The following LRFN5 variants were observed in gnomAD, a reference collection of about 807,000 sequenced individuals.
The protein encoded by LRFN5 is leucine rich repeat and fibronectin type III domain containing 5.
A neutral mutation model predicts 45.6 loss-of-function variants in LRFN5; 24 were observed. The ratio of observed to expected loss-of-function variants is 0.53; its 90% CI spans 0.38 to 0.74. LRFN5 has a LOEUF of 0.74. Among genes scored for constraint, LRFN5 ranks in the 30% least tolerant of loss-of-function variants. LRFN5 has a pLI of 0.00. For missense variants in LRFN5, 776 were observed against 861.5 expected, an observed-to-expected ratio of 0.90 and a Z score of 1.24; for synonymous variants, 340 against 313.8, an observed-to-expected ratio of 1.08 and a Z score of -0.88.
rs1486811692 is a variant in LRFN5, at chr14:41,840,128, A to G, written c.-20-46478A>G. Reference sequence around the variant, plus strand: ...AAGAAGATCATTCTTGTTAGACAGAATTATCCAGTCACTTAATAAATAATC... The same window carrying G: ...AAGAAGATCATTCTTGTTAGACAGAGTTATCCAGTCACTTAATAAATAATC... On this transcript the variant is annotated intron_variant, in intron 2 of 5. Transcript: ENST00000298119. Among the ~76,000 whole-genome samples the G allele has an allele frequency of 2.0e-5, 3 of 152,100 alleles. No homozygotes were observed. The East Asian group carries it at 5.8e-4, about 29-fold the overall frequency.
intron 2 of LRFN5, among the ~76,000 whole-genome samples, chr14:41,813,147 T>G (rs1404671738): frequency 6.6e-6 from 1 of 152,180 alleles, no homozygotes; most frequent in Non-Finnish European, 1.5e-5. Flanking sequence ...CACTCAAATC[T>G]GTTTTCAACT....
chr14:41,838,036 G>C (rs1039712105), intron 2 of LRFN5, among the ~76,000 whole-genome samples: 1 of 152,150 alleles, frequency 6.6e-6, no homozygotes, highest in African/African-American at 2.4e-5. Context: ...CCTGATTTGT[G>C]TGGTTTTTAC....
intron 2 of LRFN5, among the ~76,000 whole-genome samples, chr14:41,865,047 G>C (rs1216128297): frequency 6.6e-6 from 1 of 151,964 alleles, no homozygotes; most frequent in East Asian, 1.9e-4. Flanking sequence ...AAAAAAATTT[G>C]TGTATCATTA....
chr14:41,893,601 A>C, intron 4 of LRFN5: 1 of 985,340 alleles, frequency 1.0e-6, no homozygotes, highest in South Asian at 4.7e-5. Context: ...GGAATGTGGA[A>C]TCGTTAATTT....
chr14:41,689,290 A>G lies in LRFN5; in HGVS notation c.-196-77564A>G, dbSNP rs112934622. ...AAATGAAATAGAAAACAGAAAAACG[A>G]TAGACAAACACAACAAAACCAAAAT... On this transcript the variant is annotated intron_variant, in intron 1 of 5. Transcript: ENST00000298119. Among the ~76,000 whole-genome samples the G allele has an allele frequency of 9.2e-3, 1,397 of 152,266 alleles. 27 individuals are homozygous for G. Among genetic ancestry groups the G allele is most frequent in the African/African-American group, 0.032 (1,341 of 41,574 alleles).
intron 1 of LRFN5, among the ~76,000 whole-genome samples, chr14:41,670,674 G>A (rs1462457828): frequency 6.6e-6 from 1 of 151,572 alleles, no homozygotes; most frequent in African/African-American, 2.4e-5. Flanking sequence ...TTATAAAATC[G>A]TAATTCCTCA....
At chr14:41,798,081 T>C (rs1400452857) in intron 2 of LRFN5, among the ~76,000 whole-genome samples, 1 of 151,956 alleles carries the variant, frequency 6.6e-6, no homozygotes, top group Non-Finnish European at 1.5e-5. Context: ...TATTGCTCTC[T>C]AGACATGCTC....
chr14:41,611,178 T>C (rs2138537254), intron 1 of LRFN5, among the ~76,000 whole-genome samples: 1 of 152,262 alleles, frequency 6.6e-6, no homozygotes. Context: ...AACCTGAACA[T>C]AGATGATGGT....
chr14:41,732,313 C>T (rs1884215016), intron 1 of LRFN5, among the ~76,000 whole-genome samples: 1 of 152,102 alleles, frequency 6.6e-6, no homozygotes, highest in African/African-American at 2.4e-5. Context: ...TTTCACCAAC[C>T]CCTATTGTTG....
chr14:41,786,007 T>C (rs998808407), intron 2 of LRFN5, among the ~76,000 whole-genome samples: 5 of 150,388 alleles, frequency 3.3e-5, no homozygotes, highest in Non-Finnish European at 7.5e-5. Context: ...ACTGGCATTG[T>C]TCCCTGCCCT....
chr14:41,870,981 C>T (rs945610090), intron 2 of LRFN5, among the ~76,000 whole-genome samples: 1 of 151,806 alleles, frequency 6.6e-6, no homozygotes, highest in African/African-American at 2.4e-5. Context: ...ACTAGATTAT[C>T]AGTACATATT....
chr14:41,702,353 A>G (rs961339918), intron 1 of LRFN5, among the ~76,000 whole-genome samples: 12 of 152,190 alleles, frequency 7.9e-5, no homozygotes, highest in Non-Finnish European at 1.2e-4. Context: ...AATTAAATCA[A>G]TAGGAAGCCA....
At chr14:41,825,181 A>G (rs760795334) in intron 2 of LRFN5, among the ~76,000 whole-genome samples, 9 of 152,120 alleles carry the variant, frequency 5.9e-5, no homozygotes, top group African/African-American at 1.7e-4. Context: ...CCCTGGCCCA[A>G]TGGGCACACT....
intron 1 of LRFN5, among the ~76,000 whole-genome samples, chr14:41,716,056 C>A (rs1883480805): frequency 6.6e-6 from 1 of 152,178 alleles, no homozygotes; most frequent in South Asian, 2.1e-4. Flanking sequence ...AGGCTTGCAC[C>A]CTATGAAGCC....
intron 1 of LRFN5, among the ~76,000 whole-genome samples, chr14:41,625,561 T>C (rs1888300700): frequency 6.6e-6 from 1 of 152,132 alleles, no homozygotes; most frequent in Non-Finnish European, 1.5e-5. Flanking sequence ...TTAGAAGTAA[T>C]AGTATACAGG....
chr14:41,887,770 A>T lies in LRFN5; in HGVS notation c.1145A>T (p.Asn382Ile). 6.2e-7 allele frequency: 1 copy of T among 1,614,014 alleles called. No individual in the cohort carries two copies. The highest frequency in any genetic ancestry group is 8.5e-7 in the Non-Finnish European group (1 of 1,180,022). Residue 382 changes from asparagine to isoleucine, a missense_variant, in exon 3 of 6, where the codon AAT becomes ATT. Physicochemically the swap from Asn to Ile is moderately radical, Grantham distance 149. This residue lies in a region of LRFN5 where 465 missense variants were observed against 456.4 expected (regional missense o/e 1.02). Coordinates refer to ENST00000298119, the MANE Select transcript of LRFN5 (RefSeq NM_152447.5). This position sits in a 1 kb window ranked among gnomAD's most constrained non-coding sequence, Gnocchi z 4.8. ...ATAATTAAGCTCCCTCACTTACTAA[A>T]TAGTACAAACCATATCCATGAGCCT... ...LHIIKLPHLL[N>I]STNHIHEPDP...
At chr14:41,657,916 C>A (rs546761875) in intron 1 of LRFN5, among the ~76,000 whole-genome samples, 1 of 150,572 alleles carries the variant, frequency 6.6e-6, no homozygotes, top group South Asian at 2.1e-4. Flanking sequence ...TGAAAACCAG[C>A]TTGGGAGAAA....
At chr14:41,827,619 T>C (rs2139026371) in intron 2 of LRFN5, among the ~76,000 whole-genome samples, 1 of 152,074 alleles carries the variant, frequency 6.6e-6, no homozygotes, top group Non-Finnish European at 1.5e-5. Context: ...CTGATATTAA[T>C]TTTTCCTTGA....
chr14:41,668,356 C>A lies in LRFN5; in HGVS notation c.-197+59794C>A, dbSNP rs186363534. On this transcript the variant is annotated intron_variant, in intron 1 of 5. Transcript: ENST00000298119. ...AGGAAAGAGATCATATTTATATATT[C>A]AATTTCAGGAACTTGAAATTTGCTT... Among the ~76,000 whole-genome samples, 442 of 152,126 alleles carry A rather than the reference C, an allele frequency of 2.9e-3. 3 individuals are homozygous for A. The highest frequency in any genetic ancestry group is 9.7e-3 in the African/African-American group (404 of 41,514).
Sources: gnomAD v4.1 joint callset for allele counts (sites outside exome capture counted in the v4.1 genomes callset) on GRCh38, gnomAD v4.1.1 for gene constraint, gnomAD v4.1.1 regional missense constraint, Gnocchi (gnomAD v3.1) non-coding constraint, MANE v1.5 for transcripts, NCBI Gene and HGNC (gene_info 2026-07-23, HGNC 2026-07-21) for gene names.